Variants in EPHX1 observed in about 807,000 individuals in gnomAD.
EPHX1 encodes epoxide hydratase.
EPHX1 carries 40 observed loss-of-function variants against 43.2 expected under a neutral mutation model. The ratio of observed to expected loss-of-function variants is 0.93; its 90% CI spans 0.72 to 1.21. The LOEUF is 1.21. Among genes scored for constraint, EPHX1 ranks in the 50% most tolerant of loss-of-function variants. The pLI, the probability that EPHX1 is intolerant of heterozygous loss-of-function variation, is 0.00. For missense variants in EPHX1, 550 were observed against 570.4 expected (o/e 0.96, Z 0.36); for synonymous variants, 221 against 226.7 (o/e 0.98, Z 0.22).
At chr1:225,818,342 G>A (rs938124979) in intron 1 of EPHX1, among the ~76,000 whole-genome samples, 1 of 152,148 alleles carries the variant, frequency 6.6e-6, no homozygotes, top group South Asian at 2.1e-4. Flanking sequence ...TGGCCTACAG[G>A]AGCTTCCGTC....
At chr1:225,833,901 T>G (rs907845260) in intron 3 of EPHX1, among the ~76,000 whole-genome samples, 3 of 146,556 alleles carry the variant, frequency 2.0e-5, no homozygotes, top group Non-Finnish European at 3.0e-5. Flanking sequence ...ATCGAGACCA[T>G]CCTGGTCTAA....
chr1:225,832,189 G>T, intron 3 of EPHX1: 1 of 552,714 alleles, frequency 1.8e-6, no homozygotes, highest in Non-Finnish European at 3.3e-6. Flanking sequence ...AAAAACCAAA[G>T]AAATGCACCA....
At position 225,839,002 on chromosome 1, in the gene EPHX1, G is replaced by A. The variant is rs534413915; in HGVS notation, c.592+121G>A. 166 of 1,370,566 alleles carry A rather than the reference G, an allele frequency of 1.2e-4. No homozygotes were observed. In the African/African-American group the frequency reaches 2.1e-3, roughly 17 times the overall value. The allele number at this position is 1,370,566 out of a possible 1,614,324, so 84.9% of individuals were successfully genotyped here. ...AGTTGGCCCGAGGAAGCTGGGAAAG[G>A]AGGGGCCTGAGAGGCCGGCCCCAGA... On this transcript the variant is annotated intron_variant, in intron 4 of 8. Transcript: ENST00000272167.
intron 2 of EPHX1, among the ~76,000 whole-genome samples, chr1:225,831,539 C>A (rs1345496454): frequency 7.4e-6 from 1 of 135,374 alleles, no homozygotes; most frequent in Admixed American, 7.7e-5. Flanking sequence ...AGAGTGAGAC[C>A]CTATCTCAAA....
intron 1 of EPHX1, among the ~76,000 whole-genome samples, chr1:225,823,841 G>A (rs1667098344): frequency 1.3e-5 from 2 of 152,216 alleles, no homozygotes; most frequent in Admixed American, 6.5e-5. Flanking sequence ...AGGACAGAGG[G>A]AGTCTCCACG....
At chr1:225,813,596 G>A (rs1666585774) in intron 1 of EPHX1, among the ~76,000 whole-genome samples, 1 of 152,224 alleles carries the variant, frequency 6.6e-6, no homozygotes, top group Non-Finnish European at 1.5e-5. Flanking sequence ...AGCTCACACT[G>A]AGCAGCCTCC....
intron 1 of EPHX1, among the ~76,000 whole-genome samples, chr1:225,822,861 G>T (rs1667035290): frequency 6.6e-6 from 1 of 152,198 alleles, no homozygotes; most frequent in African/African-American, 2.4e-5. Context: ...GATGCTGCCA[G>T]ACCACGGTGC....
chr1:225,828,651 G>C, intron 1 of EPHX1, 74 bp from the exon 2 acceptor site: 3 of 1,508,464 alleles, frequency 2.0e-6, no homozygotes, highest in South Asian at 2.3e-5. Flanking sequence ...GAGCCTGCTG[G>C]GGATCAGAGT....
chr1:225,816,066 G>A (rs1444013042), intron 1 of EPHX1, among the ~76,000 whole-genome samples: 2 of 152,224 alleles, frequency 1.3e-5, no homozygotes, highest in African/African-American at 4.8e-5. Context: ...GCCAAAGCAG[G>A]CGGATCGCTT....
chr1:225,840,872 G>A (rs954033871), intron 6 of EPHX1: 1 of 152,188 alleles, frequency 6.6e-6, no homozygotes, highest in Non-Finnish European at 1.5e-5. Context: ...CCACACACAC[G>A]AGGCAGCTCA....
At chr1:225,842,145 A>G (rs1401521541) in intron 6 of EPHX1, among the ~76,000 whole-genome samples, 1 of 152,176 alleles carries the variant, frequency 6.6e-6, no homozygotes, top group Non-Finnish European at 1.5e-5. Flanking sequence ...GCCCTGGGAG[A>G]CAGTGGGAAG....
chr1:225,844,670 G>A lies in EPHX1; in HGVS notation c.1166+47G>A, dbSNP rs770178980. The A allele has an allele frequency of 2.2e-5, 36 of 1,610,382 alleles. No individual in the cohort carries two copies. The highest frequency in any genetic ancestry group is 6.8e-6 in the Non-Finnish European group (8 of 1,179,292). ...ACAGGGGCCTCTGAGGCTGGAGGCA[G>A]GGGGACGGCCAGTCTTGGGCTCCAC... On this transcript the variant is annotated intron_variant, in intron 8 of 8. Transcript: ENST00000272167.
At chr1:225,835,404 T>C (rs550487121) in intron 3 of EPHX1, among the ~76,000 whole-genome samples, 50 of 146,906 alleles carry the variant, frequency 3.4e-4, no homozygotes, top group South Asian at 3.0e-3. Flanking sequence ...TTTTTTTTTT[T>C]CTTGAGACGG....
In EPHX1 at chr1:225,845,408, G is replaced by C. The variant is rs1576056005; in HGVS notation, c.*61G>C. 2 of 1,508,254 alleles carry C rather than the reference G, an allele frequency of 1.3e-6. No homozygotes were observed. The highest frequency in any genetic ancestry group is 4.9e-5 in the East Asian group (2 of 40,994). The allele number at this position is 1,508,254 out of a possible 1,614,324, so 93.4% of individuals were successfully genotyped here. A position where few individuals can be genotyped will look rare whatever the true frequency, so the allele number is the denominator to read the frequency against. On this transcript the variant is annotated 3_prime_UTR_variant, in exon 9 of 9. Transcript: ENST00000272167. ...CAAGTGCCCTCCAGGCTTTTCTTGG[G>C]GAAGATACCCCTTTTCTGAGGAATG...
At position 225,838,685 on chromosome 1, in the gene EPHX1, C is replaced by T. The variant is rs763704955; in HGVS notation, c.396C>T (p.Pro132=). 4 of 1,614,036 alleles carry T rather than the reference C, an allele frequency of 2.5e-6. No individual in the cohort carries two copies. The highest frequency in any genetic ancestry group is 3.4e-6 in the Non-Finnish European group (4 of 1,180,034). The stretch of plus-strand genomic sequence containing the variant: ...ACATCCACTTCATCCACGTGAAGCC[C>T]CCCCAGCTGCCCGCAGGCCATACCC... The part of the protein sequence containing the change: ...GLDIHFIHVK[P]PQLPAGHTPK... Residue 132 remains proline, a synonymous_variant, in exon 4 of 9, where the codon CCC becomes CCT. Transcript: ENST00000272167.
rs1306928124 is a variant in EPHX1, at chr1:225,839,295, G to A, written c.671G>A (p.Gly224Glu). ...RLGFQEFYIQ[G>E]GDWGSLICTN... ...GGCTTCCAGGAATTCTACATTCAAG[G>A]AGGGGACTGGGGGTCCCTGATCTGC... Residue 224 changes from glycine (G) to glutamate (E), a missense_variant, in exon 5 of 9, where the codon GGA becomes GAA. Transcript: ENST00000272167. 1 of 1,614,136 alleles carries A rather than the reference G, an allele frequency of 6.2e-7. No individual in the cohort carries two copies. The highest frequency in any genetic ancestry group is 1.1e-5 in the South Asian group (1 of 91,080).
intron 1 of EPHX1, among the ~76,000 whole-genome samples, chr1:225,826,572 A>C (rs530976640): frequency 6.6e-6 from 1 of 151,488 alleles, no homozygotes; most frequent in East Asian, 2.0e-4. Context: ...CACATGGTAG[A>C]CTGAGTAAAT....
At chr1:225,828,601 G>A in intron 1 of EPHX1, 124 bp from the exon 2 acceptor site, 2 of 713,444 alleles carry the variant, frequency 2.8e-6, no homozygotes. Flanking sequence ...TAGGTCAAGT[G>A]TAAATAAAAT....
At chr1:225,820,685 C>T in intron 1 of EPHX1, among the ~76,000 whole-genome samples, 1 of 152,040 alleles carries the variant, frequency 6.6e-6, no homozygotes, top group Non-Finnish European at 1.5e-5. Flanking sequence ...ATTCCCATTC[C>T]ACCATTATTT....
Sources: allele counts gnomAD v4.1 joint callset (sites outside exome capture counted in the v4.1 genomes callset), GRCh38; gene constraint gnomAD v4.1.1; transcripts MANE v1.5; gene names NCBI Gene and HGNC (gene_info 2026-07-23, HGNC 2026-07-21).